NUCKS1: variants seen among roughly 807,000 people sequenced by gnomAD.
NUCKS1 encodes the protein nuclear ubiquitous casein and cyclin-dependent kinase substrate 1.
A neutral mutation model predicts 33.0 loss-of-function variants in NUCKS1; 2 were observed. The ratio of observed to expected loss-of-function variants is 0.06; its 90% confidence interval spans 0.02 to 0.19. The LOEUF is 0.19. Among genes scored for constraint, NUCKS1 ranks in the 10% least tolerant of loss-of-function variants. The pLI, the probability that NUCKS1 is intolerant of heterozygous loss-of-function variation, is 1.00. For synonymous variants in NUCKS1, 106 were observed against 102.8 expected (o/e 1.03, Z -0.19); for missense variants, 201 against 293.6 (o/e 0.68, Z 2.31).
At chr1:205,733,884 A>G (rs1223815487) in intron 1 of NUCKS1, among the ~76,000 whole-genome samples, 1 of 151,942 alleles carries the variant, frequency 6.6e-6, no homozygotes, top group Non-Finnish European at 1.5e-5. Flanking sequence ...CCATCCATCC[A>G]TCCAACAATT....
intron 1 of NUCKS1, among the ~76,000 whole-genome samples, chr1:205,730,177 C>A (rs1481033150): frequency 6.6e-6 from 1 of 152,104 alleles, no homozygotes; most frequent in African/African-American, 2.4e-5. Flanking sequence ...CCTCAGCCTC[C>A]TGAGTAGCTG....
intron 4 of NUCKS1, among the ~76,000 whole-genome samples, chr1:205,723,471 T>C (rs1048701106): frequency 1.3e-5 from 2 of 152,190 alleles, no homozygotes; most frequent in African/African-American, 4.8e-5. Flanking sequence ...CAAAAGGCTA[T>C]GTCTCCACTA....
At chr1:205,741,566 G>A (rs1034874074) in intron 1 of NUCKS1, among the ~76,000 whole-genome samples, 12 of 152,250 alleles carry the variant, frequency 7.9e-5, no homozygotes, top group African/African-American at 2.9e-4. Context: ...AATCGCTAGG[G>A]ACAAACCTGT....
chr1:205,728,304 T>C (rs1653825903), intron 2 of NUCKS1, among the ~76,000 whole-genome samples: 1 of 151,902 alleles, frequency 6.6e-6, no homozygotes, highest in South Asian at 2.1e-4. Flanking sequence ...AACTGTTTAC[T>C]GCACCATTTG....
At position 205,749,979 on chromosome 1, in the gene NUCKS1, C is replaced by T. The variant is rs1275945833; in HGVS notation, c.-6G>A. 5 of 1,603,102 alleles carry T rather than the reference C, an allele frequency of 3.1e-6. No homozygotes were observed. The South Asian group carries it at 4.4e-5, about 14-fold the overall frequency. Reference sequence around the variant, plus strand: ...GACCTGACAGGCCGCGACATGTTCGCTGTCGAAACAGGACCGAGTCGAGAA... The same window carrying T: ...GACCTGACAGGCCGCGACATGTTCGTTGTCGAAACAGGACCGAGTCGAGAA... On this transcript the variant is annotated 5_prime_UTR_variant, in exon 1 of 7. Transcript: ENST00000367142.
At chr1:205,732,400 G>A (rs531406281) in intron 1 of NUCKS1, among the ~76,000 whole-genome samples, 2 of 152,228 alleles carry the variant, frequency 1.3e-5, no homozygotes, top group South Asian at 4.2e-4. Context: ...AGGAGCTGTT[G>A]TTTAGTGGGT....
At chr1:205,729,170 T>C (rs1452469481) in intron 2 of NUCKS1, among the ~76,000 whole-genome samples, 1 of 152,164 alleles carries the variant, frequency 6.6e-6, no homozygotes, top group Non-Finnish European at 1.5e-5. Flanking sequence ...GGTTTCACCA[T>C]GTTGGCCAGG....
At chr1:205,739,824 A>C (rs1198819763) in intron 1 of NUCKS1, among the ~76,000 whole-genome samples, 1 of 152,038 alleles carries the variant, frequency 6.6e-6, no homozygotes, top group African/African-American at 2.4e-5. Flanking sequence ...CCTTGACTCA[A>C]GCGATCTGCC....
intron 1 of NUCKS1, 36 bp downstream of exon 1, chr1:205,749,921 C>T (rs753929351): frequency 2.5e-6 from 4 of 1,603,228 alleles, no homozygotes; most frequent in South Asian, 2.2e-5. Context: ...CCCCATCCCC[C>T]TCCAACCCGC....
chr1:205,740,529 C>G (rs996147397), intron 1 of NUCKS1, among the ~76,000 whole-genome samples: 2 of 151,880 alleles, frequency 1.3e-5, no homozygotes, highest in South Asian at 2.1e-4. Context: ...GTGGGAGGAT[C>G]GCTTGAGCCC....
chr1:205,729,717 T>A, intron 1 of NUCKS1, 96 bp from the exon 2 acceptor site: 1 of 936,774 alleles, frequency 1.1e-6, no homozygotes, highest in Non-Finnish European at 1.7e-6. Flanking sequence ...AGAACTGAAC[T>A]AGCACTTTGA....
intron 2 of NUCKS1, 130 bp from the exon 3 acceptor site, chr1:205,727,935 T>C (rs903265092): frequency 8.7e-6 from 6 of 691,604 alleles, no homozygotes; most frequent in African/African-American, 3.6e-5. Context: ...AATAGTTTCT[T>C]TCATCTTTAA....
At position 205,750,070 on chromosome 1, in the gene NUCKS1, T is replaced by G; in HGVS notation, c.-97A>C. On this transcript the variant is annotated 5_prime_UTR_variant, in exon 1 of 7. Coordinates refer to ENST00000367142, the MANE Select transcript of NUCKS1 (RefSeq NM_022731.5). Reference sequence around the variant, plus strand: ...CCCACCCCCCCCGAACTTCAGCCGATGGGACCGCTGCTGCCGAACCCCGAG... The same window carrying G: ...CCCACCCCCCCCGAACTTCAGCCGAGGGGACCGCTGCTGCCGAACCCCGAG... 63 of 921,544 alleles carry G rather than the reference T, an allele frequency of 6.8e-5. No individual in the cohort carries two copies. Among genetic ancestry groups the G allele is most frequent in the East Asian group, 8.3e-5 (1 of 11,992 alleles). The allele number at this position is 921,544 out of a possible 1,614,324, so 57.1% of individuals were successfully genotyped here. A position where few individuals can be genotyped will look rare whatever the true frequency, so the allele number is the denominator to read the frequency against.
rs1047910704 is a variant in NUCKS1 at position 205,714,283 on chromosome 1, A to C, written c.*3997T>G. 6.6e-6 allele frequency: 1 copy of C among 152,062 alleles called. No homozygotes were observed. The highest frequency in any genetic ancestry group is 1.5e-5 in the Non-Finnish European group (1 of 67,998). The allele number at this position is 152,062 out of a possible 1,614,324, so 9.4% of individuals were successfully genotyped here. A position where few individuals can be genotyped will look rare whatever the true frequency, so the allele number is the denominator to read the frequency against. Reference sequence around the variant, plus strand: ...AAAAAAGGAACAACAAAAAAATCCCAATTTTACCCTCCCCCAATAATCTAG... The same window carrying C: ...AAAAAAGGAACAACAAAAAAATCCCCATTTTACCCTCCCCCAATAATCTAG... On this transcript the variant is annotated 3_prime_UTR_variant, in exon 7 of 7. Transcript: ENST00000367142.
intron 3 of NUCKS1, among the ~76,000 whole-genome samples, chr1:205,725,030 T>C (rs1293124765): frequency 6.6e-6 from 1 of 152,218 alleles, no homozygotes; most frequent in Non-Finnish European, 1.5e-5. Flanking sequence ...TCTAGTATCC[T>C]ATCTCTCTTT....
rs746389509 is a variant in NUCKS1, at chr1:205,720,526, CTCT to C, written c.354_356del (p.Glu120del). On this transcript the variant is annotated inframe_deletion, in exon 5 of 7. Transcript: ENST00000367142. The stretch of plus-strand genomic sequence containing the variant: ...TCTCCTGGAATGGTGCCTCATCCTC[CTCT>C]TCTTGTTCTTCCTCACTGCCCACAT... 6.8e-6 allele frequency: 11 copies of C among 1,614,078 alleles called. No individual in the cohort carries two copies. In the South Asian group the frequency reaches 7.7e-5, roughly 11 times the overall value.
At chr1:205,746,947 G>A (rs893704466) in intron 1 of NUCKS1, among the ~76,000 whole-genome samples, 3 of 152,164 alleles carry the variant, frequency 2.0e-5, no homozygotes, top group Non-Finnish European at 4.4e-5. Flanking sequence ...TCTGGAGAGT[G>A]TAACAGCTGA....
In NUCKS1 at chr1:205,732,648, G is replaced by T. The variant is rs144900179; in HGVS notation, c.18-3027C>A. ...GTACAAAAATTAGCTGGGCGTGGTG[G>T]TGCGTGCCTGTAGTGCCAGCTACTT... On this transcript the variant is annotated intron_variant, in intron 1 of 6. Coordinates refer to ENST00000367142, the MANE Select transcript of NUCKS1 (RefSeq NM_022731.5). Among the ~76,000 whole-genome samples, 60 of 151,972 alleles carry T rather than the reference G, an allele frequency of 3.9e-4. No individual in the cohort carries two copies. In the East Asian group the frequency reaches 0.011, roughly 27 times the overall value.
rs747108829 is a variant in NUCKS1, at chr1:205,720,612, G to T, written c.271C>A (p.Gln91Lys). Residue 91 changes from glutamine (Q) to lysine (K), a missense_variant, in exon 5 of 7, where the codon CAA becomes AAA. Gln to Lys is a moderately conservative substitution (Grantham distance 53). Coordinates refer to ENST00000367142, the MANE Select transcript of NUCKS1 (RefSeq NM_022731.5). ...GCTTTAGATGCCGCCTGCCGTTGTT[G>T]GCGCACATTTTTATGATCTTCTTTT... is the stretch of plus-strand genomic sequence containing the variant. ...DEKEDHKNVR[Q>K]QRQAASKAAS... The T allele has an allele frequency of 6.2e-7, 1 of 1,613,962 alleles. No homozygotes were observed. Among genetic ancestry groups the T allele is most frequent in the Non-Finnish European group, 8.5e-7 (1 of 1,179,986 alleles).
Sources: allele counts gnomAD v4.1 joint callset (sites outside exome capture counted in the v4.1 genomes callset), GRCh38; gene constraint gnomAD v4.1.1; transcripts MANE v1.5; gene names NCBI Gene and HGNC (gene_info 2026-07-23, HGNC 2026-07-21).